CACNA1D: variants seen among roughly 807,000 people sequenced by gnomAD.
CACNA1D encodes voltage-dependent L-type calcium channel subunit alpha-1D.
Under a neutral mutation model 257.1 loss-of-function variants are expected in CACNA1D, and 55 were observed. The ratio of observed to expected loss-of-function variants is 0.21; its 90% CI spans 0.17 to 0.27. The LOEUF is 0.27. Among genes scored for constraint, CACNA1D ranks in the 10% least tolerant of loss-of-function variants. CACNA1D has a pLI of 1.00. For missense variants in CACNA1D, 1,876 were observed against 2,784.0 expected, an observed-to-expected ratio of 0.67 and a Z score of 7.34; for synonymous variants, 980 against 1,014.9, an observed-to-expected ratio of 0.97 and a Z score of 0.65.
intron 30 of CACNA1D, among the ~76,000 whole-genome samples, chr3:53,766,860 TTAG>T (rs2095335189): frequency 6.6e-6 from 1 of 152,154 alleles, no homozygotes; most frequent in Non-Finnish European, 1.5e-5. Context: ...TGAAAACTGA[TTAG>T]TAGCCCCTTG....
chr3:53,597,831 G>C (rs905906860), intron 3 of CACNA1D, among the ~76,000 whole-genome samples: 1 of 152,196 alleles, frequency 6.6e-6, no homozygotes, highest in Non-Finnish European at 1.5e-5. Context: ...AGGCCTGAAT[G>C]TGCATTTGTA....
intron 43 of CACNA1D, 116 bp from the exon 44 acceptor site, chr3:53,803,307 C>A: frequency 1.8e-6 from 2 of 1,106,666 alleles, no homozygotes; most frequent in Non-Finnish European, 1.4e-6. Flanking sequence ...GGCAGGTGCG[C>A]GCTGGGAGAA....
intron 3 of CACNA1D, among the ~76,000 whole-genome samples, chr3:53,571,293 G>A (rs1265317677): frequency 2.0e-5 from 3 of 152,146 alleles, no homozygotes; most frequent in Non-Finnish European, 4.4e-5. Context: ...GATAATTATG[G>A]AAGAGAAGGA....
chr3:53,726,794 G>A, intron 14 of CACNA1D, 85 bp from the exon 15 acceptor site: 1 of 1,581,218 alleles, frequency 6.3e-7, no homozygotes, highest in Non-Finnish European at 8.7e-7. Context: ...GCTTAAACCA[G>A]ATCTAGGCAG....
At chr3:53,780,171 AG>A in intron 38 of CACNA1D, 43 bp downstream of exon 38, 1 of 1,414,074 alleles carries the variant, frequency 7.1e-7, no homozygotes, top group Non-Finnish European at 1.0e-6. Context: ...AGGAAAGGAG[AG>A]AGACATCACA....
intron 45 of CACNA1D, 86 bp downstream of exon 45, chr3:53,805,232 G>T: frequency 7.8e-7 from 1 of 1,284,108 alleles, no homozygotes; most frequent in Non-Finnish European, 1.1e-6. Context: ...GCCGGTGATG[G>T]ATGTGTGCTG....
chr3:53,784,062 A>G (rs1054326537), intron 39 of CACNA1D, among the ~76,000 whole-genome samples: 1 of 152,166 alleles, frequency 6.6e-6, no homozygotes, highest in Non-Finnish European at 1.5e-5. Flanking sequence ...GCTCCTCATG[A>G]GCCTGATGAT....
At chr3:53,694,506 G>T (rs2094556346) in intron 8 of CACNA1D, among the ~76,000 whole-genome samples, 1 of 152,192 alleles carries the variant, frequency 6.6e-6, no homozygotes, top group African/African-American at 2.4e-5. Context: ...TTTGGAGCCT[G>T]GTTAGTAACG....
chr3:53,512,041 C>T (rs756156920), intron 3 of CACNA1D, among the ~76,000 whole-genome samples: 11 of 152,158 alleles, frequency 7.2e-5, no homozygotes, highest in African/African-American at 9.7e-5. Context: ...TGCTTTGAAA[C>T]GGTGTGAAAG....
At chr3:53,810,481 C>A in intron 47 of CACNA1D, 183 bp downstream of exon 47, 1 of 676,066 alleles carries the variant, frequency 1.5e-6, no homozygotes, top group Non-Finnish European at 2.7e-6. Flanking sequence ...CCACCACTGG[C>A]TGCAGTGGCT....
rs1392471310 is a variant in CACNA1D at position 53,495,524 on chromosome 3, C to T, written c.67+291C>T. Among the ~76,000 whole-genome samples the T allele has an allele frequency of 6.6e-6, 1 of 152,128 alleles. No individual in the cohort carries two copies. The highest frequency in any genetic ancestry group is 6.5e-5 in the Admixed American group (1 of 15,278). On this transcript the variant is annotated intron_variant, in intron 1 of 47. Transcript: ENST00000350061. The surrounding 1 kb of genome is among the most constrained non-coding windows in gnomAD (Gnocchi z 5.1). ...GTCGGGGTGATTCGGGTTCAGTGTC[C>T]TCGGGCTCAACTTTCCTTCAACGCC...
chr3:53,797,367 A>G (rs551504421), intron 40 of CACNA1D, among the ~76,000 whole-genome samples: 59 of 152,312 alleles, frequency 3.9e-4, no homozygotes, highest in African/African-American at 1.4e-3. Flanking sequence ...CACATGTGAA[A>G]AAGTAGAGTC....
At chr3:53,599,192 A>T (rs1346527021) in intron 3 of CACNA1D, among the ~76,000 whole-genome samples, 1 of 152,222 alleles carries the variant, frequency 6.6e-6, no homozygotes, top group East Asian at 1.9e-4. Context: ...TTAAAGTAAA[A>T]CATGTTAATT....
rs1395202351 is a variant in CACNA1D at position 53,723,663 on chromosome 3, A to G, written c.1892+4A>G. ...TAAGAATCTTCAAAGTGACCAGGTA[A>G]GGAAATGTGGGTCCCACTGCAAATG... On this transcript the variant is annotated splice_donor_region_variant and intron_variant, in intron 13 of 47. Coordinates refer to ENST00000350061, the MANE Select transcript of CACNA1D (RefSeq NM_001128840.3). The surrounding 1 kb of genome is among the most constrained non-coding windows in gnomAD (Gnocchi z 5.6). 2.5e-6 allele frequency: 4 copies of G among 1,613,014 alleles called. No individual in the cohort carries two copies. In the Admixed American group the frequency reaches 6.7e-5, roughly 27 times the overall value.
chr3:53,803,603 G>A (rs1433327036), intron 44 of CACNA1D, 31 bp downstream of exon 44: 2 of 1,610,354 alleles, frequency 1.2e-6, no homozygotes, highest in South Asian at 2.2e-5. Flanking sequence ...TGGAGAGCGG[G>A]AGGCCGCCCT....
At chr3:53,567,545 T>C (rs1015417285) in intron 3 of CACNA1D, among the ~76,000 whole-genome samples, 1 of 152,164 alleles carries the variant, frequency 6.6e-6, no homozygotes, top group Non-Finnish European at 1.5e-5. Context: ...GTATTTCTAC[T>C]CCCACCTCAC....
chr3:53,683,790 C>T (rs1205752140), intron 8 of CACNA1D, among the ~76,000 whole-genome samples: 1 of 152,074 alleles, frequency 6.6e-6, no homozygotes, highest in Non-Finnish European at 1.5e-5. Flanking sequence ...GCTTAGTGAT[C>T]TCTAAAACAA....
At chr3:53,521,306 C>A (rs2091566165) in intron 3 of CACNA1D, among the ~76,000 whole-genome samples, 1 of 152,148 alleles carries the variant, frequency 6.6e-6, no homozygotes, top group South Asian at 2.1e-4. Context: ...CTTCCTAAAG[C>A]ATTGGTGTTC....
chr3:53,786,713 G>GCCCCCCCCC, intron 39 of CACNA1D, 109 bp from the exon 40 acceptor site: 2 of 467,158 alleles, frequency 4.3e-6, no homozygotes, highest in Non-Finnish European at 8.8e-6. Flanking sequence ...GCGCCGGACC[G>GCCCCCCCCC]CCCACCCGCC....
Sources: gnomAD v4.1 joint callset for allele counts (sites outside exome capture counted in the v4.1 genomes callset) on GRCh38, gnomAD v4.1.1 for gene constraint, Gnocchi (gnomAD v3.1) non-coding constraint, MANE v1.5 for transcripts, NCBI Gene and HGNC (gene_info 2026-07-23, HGNC 2026-07-21) for gene names.